COLGALT2: variants seen among roughly 807,000 people sequenced by gnomAD.
COLGALT2 encodes collagen beta(1-O)galactosyltransferase 2.
In COLGALT2, 49 loss-of-function variants were observed where a neutral mutation model predicts 73.4. The observed-to-expected ratio is 0.67, with a 90% CI of 0.53 to 0.85. COLGALT2 has a LOEUF of 0.85. Ranked by LOEUF, COLGALT2 falls within the 40% of genes least tolerant of loss-of-function variation. The pLI, the probability that COLGALT2 is intolerant of heterozygous loss-of-function variation, is 0.00. For missense variants in COLGALT2, 722 were observed against 790.2 expected (o/e 0.91, Z 1.03); for synonymous variants, 295 against 307.6 (o/e 0.96, Z 0.43).
intron 1 of COLGALT2, among the ~76,000 whole-genome samples, chr1:184,033,682 T>C (rs762492133): frequency 2.6e-5 from 4 of 152,272 alleles, no homozygotes; most frequent in African/African-American, 4.8e-5. Context: ...TTCATCTGTA[T>C]GTGCAGTGCA....
At chr1:184,005,910 T>C (rs1366425615) in intron 1 of COLGALT2, among the ~76,000 whole-genome samples, 2 of 152,188 alleles carry the variant, frequency 1.3e-5, no homozygotes, top group Non-Finnish European at 2.9e-5. Context: ...AATTTTAATC[T>C]GTTTGCTATC....
intron 1 of COLGALT2, among the ~76,000 whole-genome samples, chr1:184,010,051 C>G (rs115145824): frequency 0.012 from 1,843 of 152,252 alleles, 37 homozygotes; most frequent in African/African-American, 0.042. Flanking sequence ...GGGGGAGGAT[C>G]CTGCAAAATC....
At chr1:183,997,722 C>T (rs1248720448) in intron 1 of COLGALT2, among the ~76,000 whole-genome samples, 1 of 152,150 alleles carries the variant, frequency 6.6e-6, no homozygotes, top group East Asian at 1.9e-4. Flanking sequence ...GTATATAACC[C>T]CAAACAAACT....
chr1:184,033,722 A>G (rs1267605250), intron 1 of COLGALT2, among the ~76,000 whole-genome samples: 2 of 152,196 alleles, frequency 1.3e-5, no homozygotes, highest in Non-Finnish European at 2.9e-5. Context: ...AGTGAGAAAA[A>G]TTATCACATA....
chr1:183,978,611 T>G, intron 1 of COLGALT2, 91 bp from the exon 2 acceptor site: 1 of 635,792 alleles, frequency 1.6e-6, no homozygotes, highest in African/African-American at 2.1e-5. Flanking sequence ...GAAAGAAGAA[T>G]GGCTACTCCT....
At position 183,978,464 on chromosome 1, in the gene COLGALT2, T is replaced by A; in HGVS notation, c.320A>T (p.Lys107Ile). ...ATAGTGATAGAGTCTCTGTACATTT[T>A]TCAACCACTCCCTGAATATTTCTGT... ...NTTEIFREWL[K>I]NVQRLYHYVE... is the part of the protein sequence containing the mutation. The change falls in exon 2 of 12, where the codon AAA (lysine) becomes ATA (isoleucine). Residue 107 changes from lysine to isoleucine, a missense_variant. Physicochemically the swap from Lys to Ile is moderately radical, Grantham distance 102 (BLOSUM62 -3). Transcript: ENST00000361927. The A allele has an allele frequency of 6.2e-7, 1 of 1,613,138 alleles. No individual in the cohort carries two copies. Among genetic ancestry groups the A allele is most frequent in the South Asian group, 1.1e-5 (1 of 91,032 alleles).
Position 183,992,240 on chromosome 1 carries a change from G to C in COLGALT2, c.264-13720C>G, listed in dbSNP as rs115144222. Among the ~76,000 whole-genome samples, 208 of 152,338 alleles carry C rather than the reference G, an allele frequency of 1.4e-3. 1 individual carries two copies. Among genetic ancestry groups the C allele is most frequent in the African/African-American group, 4.1e-3 (171 of 41,582 alleles). ...AAAGTCTCAGAGGTAGTAAGAATTA[G>C]AGCCAGACATAAGTCAGACAGCTGG... On this transcript the variant is annotated intron_variant, in intron 1 of 11. Transcript: ENST00000361927.
At position 184,017,736 on chromosome 1, in the gene COLGALT2, G is replaced by A. The variant is rs575849090; in HGVS notation, c.263+19359C>T. On this transcript the variant is annotated intron_variant, in intron 1 of 11. Transcript: ENST00000361927. ...ACATTGTGATGGGCCCCTGGAGCAG[G>A]CAGACTAAAGTGCAAGCTTCATTAG... 2.9e-4 allele frequency among the ~76,000 whole-genome samples: 44 copies of A among 152,268 alleles called. No individual in the cohort carries two copies. The East Asian group carries it at 8.5e-3, about 29-fold the overall frequency.
chr1:184,009,155 G>A (rs888244575), intron 1 of COLGALT2, among the ~76,000 whole-genome samples: 11 of 152,186 alleles, frequency 7.2e-5, no homozygotes, highest in African/African-American at 2.7e-4. Context: ...AAACTTCAGT[G>A]CTATGAGTTC....
In COLGALT2 at chr1:183,936,314, A is replaced by G. The variant is rs1572623516; in HGVS notation, c.*2447T>C. On this transcript the variant is annotated 3_prime_UTR_variant, in exon 12 of 12. Coordinates refer to ENST00000361927, the MANE Select transcript of COLGALT2 (RefSeq NM_015101.4). ...TGGATTGCTGAAGAGATGACTTTAAAAAAAAAGTCACATCTGCGGCTCACA... is the reference window on the plus strand; with the variant it reads ...TGGATTGCTGAAGAGATGACTTTAAGAAAAAAGTCACATCTGCGGCTCACA... 2 of 985,074 alleles carry G rather than the reference A, an allele frequency of 2.0e-6. No individual in the cohort carries two copies. The highest frequency in any genetic ancestry group is 2.3e-4 in the East Asian group (2 of 8,794). The allele number at this position is 985,074 out of a possible 1,614,324, so 61.0% of individuals were successfully genotyped here.
chr1:183,977,926 T>G (rs1445697097), intron 2 of COLGALT2, among the ~76,000 whole-genome samples: 1 of 152,060 alleles, frequency 6.6e-6, no homozygotes, highest in Non-Finnish European at 1.5e-5. Flanking sequence ...GGAAATTACC[T>G]AAATGAGCAT....
At chr1:184,007,472 A>C (rs116889880) in intron 1 of COLGALT2, among the ~76,000 whole-genome samples, 1 of 152,336 alleles carries the variant, frequency 6.6e-6, no homozygotes, top group East Asian at 1.9e-4. Flanking sequence ...ATCATGGTAT[A>C]TCAGACTTGA....
intron 1 of COLGALT2, among the ~76,000 whole-genome samples, chr1:183,997,450 CT>C (rs2102835509): frequency 1.3e-5 from 2 of 152,258 alleles, no homozygotes; most frequent in African/African-American, 4.8e-5. Flanking sequence ...TATTAATTCC[CT>C]TAGTATTTTT....
At chr1:184,027,071 T>C (rs1340885159) in intron 1 of COLGALT2, among the ~76,000 whole-genome samples, 2 of 152,182 alleles carry the variant, frequency 1.3e-5, no homozygotes, top group Non-Finnish European at 2.9e-5. Flanking sequence ...CACTATTAGA[T>C]GGAGATGGAA....
chr1:184,007,620 T>C lies in COLGALT2; in HGVS notation c.264-29100A>G, dbSNP rs908000256. On this transcript the variant is annotated intron_variant, in intron 1 of 11. Coordinates refer to ENST00000361927, the MANE Select transcript of COLGALT2 (RefSeq NM_015101.4). Reference sequence around the variant, plus strand: ...GGGTAGGTCTTGCCCTCCTAATATGTTCCTTCCTCCTTAGAGAAGAGTTAG... The same window carrying C: ...GGGTAGGTCTTGCCCTCCTAATATGCTCCTTCCTCCTTAGAGAAGAGTTAG... Among the ~76,000 whole-genome samples, 4 of 152,306 alleles carry C rather than the reference T, an allele frequency of 2.6e-5. No homozygotes were observed. The East Asian group carries it at 7.7e-4, about 29-fold the overall frequency.
downstream of COLGALT2, chr1:183,935,829 A>G (rs770083143): frequency 7.1e-6 from 7 of 984,750 alleles, no homozygotes; most frequent in South Asian, 4.7e-5. Context: ...ATTGACAATC[A>G]TATCTTTGAG....
intron 1 of COLGALT2, among the ~76,000 whole-genome samples, chr1:184,014,089 A>T (rs909447968): frequency 2.6e-5 from 4 of 152,222 alleles, no homozygotes; most frequent in Admixed American, 6.5e-5. Flanking sequence ...TGAGCTGGAG[A>T]GACACCATCA....
At chr1:184,003,543 C>G (rs146495900) in intron 1 of COLGALT2, among the ~76,000 whole-genome samples, 50 of 152,286 alleles carry the variant, frequency 3.3e-4, no homozygotes, top group Middle Eastern at 3.4e-3. Context: ...TCTTTTGAGC[C>G]AAGGTTGCAG....
chr1:183,935,171 A>G (rs374641843), downstream of COLGALT2, among the ~76,000 whole-genome samples: 119 of 152,060 alleles, frequency 7.8e-4, 1 homozygote, highest in Middle Eastern at 6.8e-3. Flanking sequence ...CCCAACCCAA[A>G]TGTCACCTTC....
Sources: allele counts gnomAD v4.1 joint callset (sites outside exome capture counted in the v4.1 genomes callset), GRCh38; gene constraint gnomAD v4.1.1; transcripts MANE v1.5; gene names NCBI Gene and HGNC (gene_info 2026-07-23, HGNC 2026-07-21).